MRPL40: variants seen among roughly 807,000 people sequenced by gnomAD.
MRPL40 encodes mitochondrial ribosomal protein L40, also known as large ribosomal subunit protein mL40.
A neutral mutation model predicts 24.5 loss-of-function variants in MRPL40; 18 were observed. The observed-to-expected ratio is 0.73, with a 90% CI of 0.51 to 1.09. MRPL40 has a LOEUF of 1.09. MRPL40 is among the 50% of genes least tolerant of loss of function. MRPL40 has a pLI of 0.00. For synonymous variants in MRPL40, 108 were observed against 94.6 expected, an observed-to-expected ratio of 1.14 and a Z score of -0.82; for missense variants, 256 against 243.8, an observed-to-expected ratio of 1.05 and a Z score of -0.33.
At chr22:19,434,686 G>A in intron 2 of MRPL40, 50 bp from the exon 3 acceptor site, 1 of 1,471,188 alleles carries the variant, frequency 6.8e-7, no homozygotes, top group South Asian at 1.3e-5. Context: ...TCTCTCAGTA[G>A]GTTCATGAGA....
At chr22:19,432,860 G>A (rs1653946411) in intron 1 of MRPL40, 1 of 1,341,294 alleles carries the variant, frequency 7.5e-7, no homozygotes, top group Non-Finnish European at 9.5e-7. Context: ...GTCATATCAA[G>A]TAGTTAGAAG....
chr22:19,433,694 G>A (rs1235021267), intron 2 of MRPL40, among the ~76,000 whole-genome samples: 1 of 152,036 alleles, frequency 6.6e-6, no homozygotes, highest in Non-Finnish European at 1.5e-5. Flanking sequence ...AGTATTAAAG[G>A]TATTTCCATC....
intron 2 of MRPL40, 66 bp downstream of exon 2, chr22:19,433,414 C>A: frequency 3.1e-6 from 3 of 976,856 alleles, no homozygotes; most frequent in Non-Finnish European, 4.9e-6. Flanking sequence ...GAGAACAAAG[C>A]AAGAATGCTG....
rs1601873802 is a variant in MRPL40 at position 19,434,819 on chromosome 22, A to T, written c.221A>T (p.Lys74Ile). The change falls in exon 3 of 4, where the codon AAA becomes ATA. Residue 74 changes from lysine (K) to isoleucine (I), a missense_variant. Transcript: ENST00000333130. Reference protein sequence around the residue: ...AKERLKRKIRKLEKATQELIP... With the variant: ...AKERLKRKIRILEKATQELIP... The stretch of plus-strand genomic sequence containing the variant: ...GAGCGCTTGAAAAGGAAGATCCGAA[A>T]ACTGGAAAAGGCTACTCAAGAGCTA... The T allele has an allele frequency of 1.2e-6, 2 of 1,612,660 alleles. No homozygotes were observed. The highest frequency in any genetic ancestry group is 1.7e-6 in the Non-Finnish European group (2 of 1,179,668).
At position 19,433,348 on chromosome 22, in the gene MRPL40, G is replaced by A; in HGVS notation, c.137G>A (p.Arg46Lys). ...TCTTTCTGGGAACTCATTCCCATGAGGTAAAACTCAATCGAGGGCCTGACC... is the reference window on the plus strand; with the variant it reads ...TCTTTCTGGGAACTCATTCCCATGAAGTAAAACTCAATCGAGGGCCTGACC... ...LLSFWELIPM[R>K]SEPLRKKKKV... is the part of the protein sequence containing the mutation. The change falls in exon 2 of 4, where the codon AGA becomes AAA. Residue 46 changes from arginine to lysine, a missense_variant and splice_region_variant. Physicochemically the swap from Arg to Lys is conservative, Grantham distance 26 (BLOSUM62 2). Transcript: ENST00000333130. The A allele has an allele frequency of 6.3e-7, 1 of 1,593,910 alleles. No homozygotes were observed. The highest frequency in any genetic ancestry group is 8.6e-7 in the Non-Finnish European group (1 of 1,161,864).
intron 1 of MRPL40, 192 bp downstream of exon 1, chr22:19,432,799 C>T (rs1357710519): frequency 7.3e-7 from 1 of 1,373,618 alleles, no homozygotes; most frequent in African/African-American, 1.5e-5. Flanking sequence ...TGCTTAAGTC[C>T]TCTGTGGTCT....
intron 3 of MRPL40, 27 bp from the exon 4 acceptor site, chr22:19,435,611 G>C (rs1401140034): frequency 1.9e-6 from 3 of 1,583,696 alleles, no homozygotes; most frequent in Non-Finnish European, 2.6e-6. Flanking sequence ...ATGCCAGTGA[G>C]ATTGGTAACC....
In MRPL40 at chr22:19,434,914, G is replaced by C. The variant is rs199683584; in HGVS notation, c.296+20G>C. The stretch of plus-strand genomic sequence containing the variant: ...AGCAAGGTAAGGATCCTTCTCTAGG[G>C]ATGAAGTCCTCAGGACAAAGGAGTA... On this transcript the variant is annotated intron_variant, in intron 3 of 3. Transcript: ENST00000333130. 3.8e-4 allele frequency: 591 copies of C among 1,569,990 alleles called. 6 individuals are homozygous for C. The South Asian group carries it at 5.4e-3, about 14-fold the overall frequency.
intron 1 of MRPL40, 28 bp downstream of exon 1, chr22:19,432,635 G>A: frequency 6.5e-7 from 1 of 1,541,640 alleles, no homozygotes; most frequent in Non-Finnish European, 8.7e-7. Context: ...CCGGATAGCG[G>A]AGTGCCCAGG....
chr22:19,432,646 G>T (rs1374830575), intron 1 of MRPL40, 39 bp downstream of exon 1: 2 of 1,529,622 alleles, frequency 1.3e-6, no homozygotes, highest in Admixed American at 4.0e-5. Context: ...AGTGCCCAGG[G>T]CGCGTGCGGG....
chr22:19,435,385 A>C (rs1361308756), intron 3 of MRPL40, among the ~76,000 whole-genome samples: 2 of 152,182 alleles, frequency 1.3e-5, no homozygotes, highest in African/African-American at 4.8e-5. Flanking sequence ...CTCTCACCCA[A>C]GGGAGTATTT....
At chr22:19,435,367 A>C (rs2089580279) in intron 3 of MRPL40, among the ~76,000 whole-genome samples, 1 of 152,184 alleles carries the variant, frequency 6.6e-6, no homozygotes, top group South Asian at 2.1e-4. Flanking sequence ...GCAGGTGTTA[A>C]AAGTCTTCTC....
intron 2 of MRPL40, 129 bp from the exon 3 acceptor site, chr22:19,434,607 G>A: frequency 1.5e-6 from 1 of 685,020 alleles, no homozygotes; most frequent in Non-Finnish European, 2.4e-6. Flanking sequence ...ACCACGCTGA[G>A]CTCATGAGTT....
intron 3 of MRPL40, among the ~76,000 whole-genome samples, chr22:19,435,323 C>T (rs2089579880): frequency 1.3e-5 from 2 of 152,150 alleles, no homozygotes; most frequent in Non-Finnish European, 2.9e-5. Context: ...CTCCTGCTGC[C>T]GTTTTGTAAG....
In MRPL40 at chr22:19,435,630, C is replaced by A; in HGVS notation, c.297-8C>A. On this transcript the variant is annotated splice_region_variant and splice_polypyrimidine_tract_variant and intron_variant, in intron 3 of 3. Coordinates refer to ENST00000333130, the MANE Select transcript of MRPL40 (RefSeq NM_003776.4). Reference sequence around the variant, plus strand: ...CAGTGAGATTGGTAACCCTTAGCTTCTTTGCAGAGAGCGGCCTCAGGTGGA... The same window carrying A: ...CAGTGAGATTGGTAACCCTTAGCTTATTTGCAGAGAGCGGCCTCAGGTGGA... 3 of 1,607,324 alleles carry A rather than the reference C, an allele frequency of 1.9e-6. No homozygotes were observed. Among genetic ancestry groups the A allele is most frequent in the Admixed American group, 3.4e-5 (2 of 59,382 alleles).
At chr22:19,433,391 C>A in intron 2 of MRPL40, 43 bp downstream of exon 2, 1 of 1,206,514 alleles carries the variant, frequency 8.3e-7, no homozygotes, top group Non-Finnish European at 1.2e-6. Context: ...GTAAAGGTGT[C>A]AGTCTATGTG....
In MRPL40 at chr22:19,434,913, G is replaced by T. The variant is rs765186155; in HGVS notation, c.296+19G>T. The T allele has an allele frequency of 8.3e-6, 13 of 1,571,212 alleles. No individual in the cohort carries two copies. The Middle Eastern group carries it at 5.5e-4, about 67-fold the overall frequency. On this transcript the variant is annotated intron_variant, in intron 3 of 3. Transcript: ENST00000333130. ...AAGCAAGGTAAGGATCCTTCTCTAG[G>T]GATGAAGTCCTCAGGACAAAGGAGT...
intron 2 of MRPL40, 124 bp downstream of exon 2, chr22:19,433,472 T>A (rs2089564369): frequency 6.7e-6 from 4 of 592,688 alleles, no homozygotes; most frequent in Non-Finnish European, 6.1e-6. Context: ...CTCAGTTAAA[T>A]TTAGGCCGAT....
chr22:19,436,052 TAATA>T lies in MRPL40; in HGVS notation c.*95_*98del. On this transcript the variant is annotated 3_prime_UTR_variant, in exon 4 of 4. Transcript: ENST00000333130. ...CTTTCCACAGAATCAGGCATGCTGT[TAATA>T]AATACTGGTTTAATCAAAATGCTCC... 2 of 1,105,772 alleles carry T rather than the reference TAATA, an allele frequency of 1.8e-6. No individual in the cohort carries two copies. The highest frequency in any genetic ancestry group is 2.6e-6 in the Non-Finnish European group (2 of 764,204). The allele number at this position is 1,105,772 out of a possible 1,614,324, so 68.5% of individuals were successfully genotyped here. A position where few individuals can be genotyped will look rare whatever the true frequency, so the allele number is the denominator to read the frequency against.
Sources: gnomAD v4.1 joint callset for allele counts (sites outside exome capture counted in the v4.1 genomes callset) on GRCh38, gnomAD v4.1.1 for gene constraint, MANE v1.5 for transcripts, NCBI Gene and HGNC (gene_info 2026-07-23, HGNC 2026-07-21) for gene names.